ZNF385D: variants seen among roughly 807,000 people sequenced by gnomAD.
ZNF385D encodes the protein zinc finger protein 659.
ZNF385D carries 15 observed loss-of-function variants against 35.8 expected under a neutral mutation model. The observed-to-expected ratio is 0.42, with a 90% confidence interval of 0.28 to 0.64. ZNF385D has a LOEUF of 0.64. Among genes scored for constraint, ZNF385D ranks in the 30% least tolerant of loss-of-function variants. The pLI, the probability that ZNF385D is intolerant of heterozygous loss-of-function variation, is 0.23. For missense variants in ZNF385D, 474 were observed against 494.6 expected, an observed-to-expected ratio of 0.96 and a Z score of 0.39; for synonymous variants, 212 against 186.8, an observed-to-expected ratio of 1.13 and a Z score of -1.10.
intron 1 of ZNF385D, among the ~76,000 whole-genome samples, chr3:21,714,449 T>C (rs2068234285): frequency 6.6e-6 from 1 of 152,178 alleles, no homozygotes; most frequent in Admixed American, 6.5e-5. Context: ...ATAAGTATCA[T>C]AAATTCCCAT....
At chr3:21,974,331 A>G (rs1379883999) in intron 3 of ZNF385D, among the ~76,000 whole-genome samples, 1 of 152,036 alleles carries the variant, frequency 6.6e-6, no homozygotes. Flanking sequence ...GGAAAGGACA[A>G]TATCTTCAAT....
At chr3:21,875,104 G>C (rs1488901457) in intron 3 of ZNF385D, among the ~76,000 whole-genome samples, 1 of 151,910 alleles carries the variant, frequency 6.6e-6, no homozygotes, top group Non-Finnish European at 1.5e-5. Flanking sequence ...TTTATGCCCT[G>C]CAACTTTACT....
chr3:21,908,310 T>C (rs1386334864), intron 3 of ZNF385D, among the ~76,000 whole-genome samples: 1 of 151,936 alleles, frequency 6.6e-6, no homozygotes, highest in Non-Finnish European at 1.5e-5. Flanking sequence ...CAAAGCTGCA[T>C]GGGAAATAGA....
intron 1 of ZNF385D, among the ~76,000 whole-genome samples, chr3:21,710,497 C>T (rs1346758869): frequency 6.6e-6 from 1 of 152,128 alleles, no homozygotes; most frequent in Non-Finnish European, 1.5e-5. Context: ...CATAATCCTC[C>T]ATAACCTGAG....
chr3:22,334,093 G>C (rs929247942), intron 2 of ZNF385D, among the ~76,000 whole-genome samples: 1 of 152,140 alleles, frequency 6.6e-6, no homozygotes, highest in African/African-American at 2.4e-5. Context: ...CATATTTAAT[G>C]CATGTCTCTT....
intron 4 of ZNF385D, among the ~76,000 whole-genome samples, chr3:21,502,906 G>A (rs543192689): frequency 6.6e-6 from 1 of 152,314 alleles, no homozygotes; most frequent in African/African-American, 2.4e-5. Flanking sequence ...CCTGTGCCAA[G>A]ACGTATGCAG....
At chr3:21,876,960 A>C (rs1698009829) in intron 3 of ZNF385D, among the ~76,000 whole-genome samples, 1 of 152,042 alleles carries the variant, frequency 6.6e-6, no homozygotes, top group South Asian at 2.1e-4. Context: ...CACTTTTCCC[A>C]TTCCAAGGAA....
At chr3:21,698,409 A>G (rs887315841) in intron 1 of ZNF385D, among the ~76,000 whole-genome samples, 4 of 152,120 alleles carry the variant, frequency 2.6e-5, no homozygotes, top group Non-Finnish European at 4.4e-5. Flanking sequence ...ACACAAATAC[A>G]AAGTCACCAT....
At chr3:21,724,498 A>ACCCCC (rs1559554510) in intron 1 of ZNF385D, among the ~76,000 whole-genome samples, 4 of 98,610 alleles carry the variant, frequency 4.1e-5, no homozygotes, top group South Asian at 2.6e-4. Context: ...AAAAAAAAAA[A>ACCCCC]AAAAAAAAAA....
At chr3:22,047,069 C>A (rs1699048291) in intron 3 of ZNF385D, among the ~76,000 whole-genome samples, 1 of 152,024 alleles carries the variant, frequency 6.6e-6, no homozygotes, top group Non-Finnish European at 1.5e-5. Flanking sequence ...AATAACAGTT[C>A]ACCTGATTTC....
intron 1 of ZNF385D, among the ~76,000 whole-genome samples, chr3:21,724,844 C>T (rs572776715): frequency 1.3e-5 from 2 of 152,276 alleles, no homozygotes; most frequent in Admixed American, 1.3e-4. Flanking sequence ...TAATAGACAT[C>T]TACACAACTC....
rs534961135 is a variant in ZNF385D at position 21,443,415 on chromosome 3, G to T, written c.440-6212C>A. 2 of 933,844 alleles carry T rather than the reference G, an allele frequency of 2.1e-6. 1 individual carries two copies. Among genetic ancestry groups the T allele is most frequent in the Non-Finnish European group, 2.6e-6 (2 of 783,178 alleles). 57.8% of individuals were successfully genotyped at this position (933,844 alleles called of 1,614,324 possible). ...TTGTATGCTCGGTCCTGAAAATTTT[G>T]GGGGTCTGTCTTATAGAACCCATCC... On this transcript the variant is annotated intron_variant, in intron 4 of 7. Coordinates refer to ENST00000281523, the MANE Select transcript of ZNF385D (RefSeq NM_024697.3).
At chr3:22,205,136 G>A (rs1697064886) in intron 2 of ZNF385D, among the ~76,000 whole-genome samples, 1 of 151,812 alleles carries the variant, frequency 6.6e-6, no homozygotes, top group African/African-American at 2.4e-5. Context: ...GAAATAAATG[G>A]CATCCAATGA....
At chr3:21,442,274 A>G (rs1418811862) in intron 4 of ZNF385D, among the ~76,000 whole-genome samples, 1 of 152,198 alleles carries the variant, frequency 6.6e-6, no homozygotes, top group Non-Finnish European at 1.5e-5. Flanking sequence ...TAGGTGAGTT[A>G]CTAGAGTTTC....
chr3:21,733,982 G>T (rs895276620), intron 1 of ZNF385D, among the ~76,000 whole-genome samples: 4 of 151,814 alleles, frequency 2.6e-5, no homozygotes, highest in African/African-American at 7.3e-5. Flanking sequence ...TAATTATTAT[G>T]TTTTTTTGGT....
intron 3 of ZNF385D, among the ~76,000 whole-genome samples, chr3:22,020,259 G>C (rs948604286): frequency 6.6e-6 from 1 of 151,848 alleles, no homozygotes; most frequent in African/African-American, 2.4e-5. Flanking sequence ...AGCCAGCAAG[G>C]TCTCTACAGA....
intron 3 of ZNF385D, among the ~76,000 whole-genome samples, chr3:21,798,878 G>A (rs1055447970): frequency 2.0e-5 from 3 of 152,116 alleles, no homozygotes; most frequent in Non-Finnish European, 4.4e-5. Context: ...TCACAATGTT[G>A]TGCAATAATA....
chr3:21,693,311 G>A (rs749095532), intron 1 of ZNF385D, among the ~76,000 whole-genome samples: 3 of 152,196 alleles, frequency 2.0e-5, no homozygotes, highest in Admixed American at 1.3e-4. Context: ...CCACAGCAAC[G>A]CAGAGGAACC....
intron 1 of ZNF385D, among the ~76,000 whole-genome samples, chr3:21,694,136 C>G (rs1272760430): frequency 2.0e-5 from 3 of 148,958 alleles, no homozygotes; most frequent in South Asian, 4.2e-4. Context: ...CTCCGCCTCC[C>G]GGGTTCAAGC....
Sources: gnomAD v4.1 joint callset for allele counts (sites outside exome capture counted in the v4.1 genomes callset) on GRCh38, gnomAD v4.1.1 for gene constraint, MANE v1.5 for transcripts, NCBI Gene and HGNC (gene_info 2026-07-23, HGNC 2026-07-21) for gene names.